The following MT1G variants were observed in gnomAD, a reference collection of about 807,000 sequenced individuals.
MT1G encodes the protein metallothionein 1G.
MT1G carries 8 observed loss-of-function variants against 9.1 expected under a neutral mutation model. The observed-to-expected ratio is 0.87, with a 90% CI of 0.51 to 1.58. The LOEUF (loss-of-function observed/expected upper bound fraction) is 1.58, where lower values mean the gene tolerates loss of function less well. MT1G is among the 40% of genes most tolerant of loss of function. The pLI is 0.00. For missense variants in MT1G, 79 were observed against 77.3 expected, an observed-to-expected ratio of 1.02 and a Z score of -0.08; for synonymous variants, 31 against 28.4, an observed-to-expected ratio of 1.09 and a Z score of -0.29.
chr16:56,667,307 C>G lies in MT1G; in HGVS notation c.97+5G>C, dbSNP rs1248866369. The G allele has an allele frequency of 6.2e-7, 1 of 1,614,276 alleles. No homozygotes were observed. The highest frequency in any genetic ancestry group is 8.5e-7 in the Non-Finnish European group (1 of 1,180,054). ...CCAGATTCCTGGAGATGGCCCCGCA[C>G]TCACTCTTCTTGCAGGAGGTGCATT... On this transcript the variant is annotated splice_donor_5th_base_variant and intron_variant, in intron 2 of 2. Transcript: ENST00000379811.
chr16:56,667,064 G>A (rs1222325406), intron 2 of MT1G, 94 bp from the exon 3 acceptor site: 66 of 1,594,368 alleles, frequency 4.1e-5, no homozygotes, highest in Non-Finnish European at 5.6e-5. Flanking sequence ...CAGCCCCAGA[G>A]GACCCTTAGT....
chr16:56,666,853 T>C lies in MT1G; in HGVS notation c.*26A>G. 1 of 1,612,824 alleles carries C rather than the reference T, an allele frequency of 6.2e-7. No individual in the cohort carries two copies. The highest frequency in any genetic ancestry group is 8.5e-7 in the Non-Finnish European group (1 of 1,179,570). On this transcript the variant is annotated 3_prime_UTR_variant, in exon 3 of 3. Coordinates refer to ENST00000379811, the MANE Select transcript of MT1G (RefSeq NM_001301267.2). ...TGGATTTTACGGGTCACTCTATTTGTACTTGGGAGCAGGGCTGTCCCGACA... is the reference window on the plus strand; with the variant it reads ...TGGATTTTACGGGTCACTCTATTTGCACTTGGGAGCAGGGCTGTCCCGACA...
rs1960801100 is a variant in MT1G at position 56,667,453 on chromosome 16, T to C, written c.29-73A>G. The C allele has an allele frequency of 3.1e-6, 5 of 1,592,604 alleles. No individual in the cohort carries two copies. The Admixed American group carries it at 8.6e-5, about 27-fold the overall frequency. ...AGCAGTGGGTCAATGAGTGTCCACT[T>C]CCCCCTTCTCTGTGCAGAGCCAGCC... On this transcript the variant is annotated intron_variant, in intron 1 of 2. Transcript: ENST00000379811.
chr16:56,667,405 G>A (rs552395079), intron 1 of MT1G, 25 bp from the exon 2 acceptor site: 21 of 1,613,778 alleles, frequency 1.3e-5, no homozygotes, highest in Non-Finnish European at 1.7e-5. Context: ...GCCAGTGAAC[G>A]GTGAGTGAGA....
At chr16:56,667,255 G>T (rs747918600) in intron 2 of MT1G, 57 bp downstream of exon 2, 2 of 1,614,048 alleles carry the variant, frequency 1.2e-6, no homozygotes, top group South Asian at 2.2e-5. Flanking sequence ...GACAGCCTTG[G>T]GTTCCCTCCC....
In MT1G at chr16:56,667,367, G is replaced by A. The variant is rs1356773408; in HGVS notation, c.42C>T (p.Cys14=). ...TGCACTTGCAGGAGCTGGCGCAGGT[G>A]CAGGAGACACCTGCTAGAAGAGAAA... ...NCSCAAAGVS[C]TCASSCKCKE... The change falls in exon 2 of 3, where the codon TGC becomes TGT. Residue 14 remains cysteine, a synonymous_variant. Transcript: ENST00000379811. The A allele has an allele frequency of 6.2e-7, 1 of 1,614,140 alleles. No homozygotes were observed. Among genetic ancestry groups the A allele is most frequent in the Non-Finnish European group, 8.5e-7 (1 of 1,180,052 alleles).
rs750840698 is a variant in MT1G at position 56,666,902 on chromosome 16, C to T, written c.166G>A (p.Glu56Lys). The T allele has an allele frequency of 3.2e-5, 52 of 1,614,116 alleles. No individual in the cohort carries two copies. The highest frequency in any genetic ancestry group is 1.7e-4 in the African/African-American group (13 of 74,934). The change falls in exon 3 of 3, where the codon GAG becomes AAG. Residue 56 changes from glutamate to lysine, a missense_variant. Physicochemically the swap from Glu to Lys is moderately conservative, Grantham distance 56. Coordinates refer to ENST00000379811, the MANE Select transcript of MT1G (RefSeq NM_001301267.2). ...CATCAGGCGCAGCAGCTGCACTTCT[C>T]CGATGCCCCTTTGCAGATGCAGCCC... Reference protein sequence around the residue: ...AQGCICKGASEKCSCCA With the variant: ...AQGCICKGASKKCSCCA
At chr16:56,667,577 G>A (rs995522667) in intron 1 of MT1G, among the ~76,000 whole-genome samples, 197 bp from the exon 2 acceptor site, 1 of 152,186 alleles carries the variant, frequency 6.6e-6, no homozygotes, top group African/African-American at 2.4e-5. Flanking sequence ...CTACTCCAAA[G>A]GAAAGTCCCA....
chr16:56,666,759 T>C lies in MT1G; in HGVS notation c.*120A>G. 1 of 1,397,164 alleles carries C rather than the reference T, an allele frequency of 7.2e-7. No individual in the cohort carries two copies. Among genetic ancestry groups the C allele is most frequent in the Non-Finnish European group, 9.6e-7 (1 of 1,037,022 alleles). 86.5% of individuals were successfully genotyped at this position (1,397,164 alleles called of 1,614,324 possible). ...ATCAAGTCTAAGTGTTTAATTATTA[T>C]TCACATATTTCACAGAAAAAAAGGA... is the stretch of plus-strand genomic sequence containing the variant. On this transcript the variant is annotated 3_prime_UTR_variant, in exon 3 of 3. Coordinates refer to ENST00000379811, the MANE Select transcript of MT1G (RefSeq NM_001301267.2).
rs928418305 is a variant in MT1G, at chr16:56,667,149, A to G, written c.97+163T>C. ...GGTCTTCCTTTGAGAAAGCTGCCCC[A>G]CCTCACATAAGCCCTGGAAAGTGCA... On this transcript the variant is annotated intron_variant, in intron 2 of 2. Transcript: ENST00000379811. 3 of 1,538,864 alleles carry G rather than the reference A, an allele frequency of 1.9e-6. No individual in the cohort carries two copies. The African/African-American group carries it at 4.1e-5, about 21-fold the overall frequency.
chr16:56,667,823 C>T (rs111403761), intron 1 of MT1G, 143 bp downstream of exon 1: 21 of 994,360 alleles, frequency 2.1e-5, no homozygotes, highest in African/African-American at 1.4e-4. Flanking sequence ...CCCTCAGGAG[C>T]TTGGCCAACA....
At position 56,666,794 on chromosome 16, in the gene MT1G, A is replaced by C; in HGVS notation, c.*85T>G. ...TCACAGAAAAAAAGGAATGTAGCAA[A>C]GGGGTCAAGATTGTAGCAAAAAACA... is the stretch of plus-strand genomic sequence containing the variant. On this transcript the variant is annotated 3_prime_UTR_variant, in exon 3 of 3. Transcript: ENST00000379811. The C allele has an allele frequency of 6.5e-7, 1 of 1,535,602 alleles. No individual in the cohort carries two copies. The highest frequency in any genetic ancestry group is 1.2e-5 in the South Asian group (1 of 80,460).
At chr16:56,667,894 C>G in intron 1 of MT1G, 72 bp downstream of exon 1, 1 of 1,581,508 alleles carries the variant, frequency 6.3e-7, no homozygotes, top group Non-Finnish European at 8.7e-7. Context: ...ACGACCTCCT[C>G]AAACCCAGGG....
intron 2 of MT1G, 87 bp downstream of exon 2, chr16:56,667,225 C>T (rs759428562): frequency 1.2e-6 from 2 of 1,611,336 alleles, no homozygotes; most frequent in South Asian, 1.1e-5. Flanking sequence ...AGGCCGGTTC[C>T]CCAGAAGCAC....
chr16:56,667,498 TCAGAG>T (rs1396703692), intron 1 of MT1G, 118 bp from the exon 2 acceptor site: 8 of 1,410,824 alleles, frequency 5.7e-6, no homozygotes, highest in Admixed American at 2.0e-5. Context: ...CCTTTCCCAC[TCAGAG>T]CAGAGGAAGA....
chr16:56,667,008 C>T (rs768383853), intron 2 of MT1G, 38 bp from the exon 3 acceptor site: 13 of 1,611,632 alleles, frequency 8.1e-6, no homozygotes, highest in East Asian at 2.2e-5. Context: ...AGAGCAGACT[C>T]GATCAGAGAA....
In MT1G at chr16:56,666,787, G is replaced by A. The variant is rs1393936280; in HGVS notation, c.*92C>T. On this transcript the variant is annotated 3_prime_UTR_variant, in exon 3 of 3. Transcript: ENST00000379811. The stretch of plus-strand genomic sequence containing the variant: ...ACATATTTCACAGAAAAAAAGGAAT[G>A]TAGCAAAGGGGTCAAGATTGTAGCA... 2.0e-6 allele frequency: 3 copies of A among 1,515,136 alleles called. No homozygotes were observed. The highest frequency in any genetic ancestry group is 2.7e-6 in the Non-Finnish European group (3 of 1,124,598). 93.9% of individuals were successfully genotyped at this position (1,515,136 alleles called of 1,614,324 possible). A position where few individuals can be genotyped will look rare whatever the true frequency, so the allele number is the denominator to read the frequency against.
intron 2 of MT1G, 162 bp downstream of exon 2, chr16:56,667,150 C>A: frequency 6.5e-7 from 1 of 1,542,858 alleles, no homozygotes; most frequent in Non-Finnish European, 8.9e-7. Flanking sequence ...AGCTGCCCCA[C>A]CTCACATAAG....
intron 1 of MT1G, among the ~76,000 whole-genome samples, 197 bp from the exon 2 acceptor site, chr16:56,667,577 G>T (rs995522667): frequency 3.3e-5 from 5 of 152,186 alleles, no homozygotes; most frequent in Non-Finnish European, 5.9e-5. Flanking sequence ...CTACTCCAAA[G>T]GAAAGTCCCA....
Sources: allele counts gnomAD v4.1 joint callset (sites outside exome capture counted in the v4.1 genomes callset), GRCh38; gene constraint gnomAD v4.1.1; transcripts MANE v1.5; gene names NCBI Gene and HGNC (gene_info 2026-07-23, HGNC 2026-07-21).